The following CDH19 variants were observed in gnomAD, a reference collection of about 807,000 sequenced individuals.
CDH19 encodes cadherin 19.
Under a neutral mutation model 64.2 loss-of-function variants are expected in CDH19, and 67 were observed. The observed-to-expected ratio is 1.04, with a 90% CI of 0.86 to 1.28. The LOEUF (loss-of-function observed/expected upper bound fraction) is 1.28, where lower values mean the gene tolerates loss of function less well. CDH19 is among the 50% of genes most tolerant of loss of function. CDH19 has a pLI of 0.00. For missense variants in CDH19, 1,030 were observed against 929.0 expected, an observed-to-expected ratio of 1.11 and a Z score of -1.41; for synonymous variants, 346 against 319.3, an observed-to-expected ratio of 1.08 and a Z score of -0.89.
chr18:66,544,238 C>G lies in CDH19; in HGVS notation c.961-14G>C. On this transcript the variant is annotated splice_polypyrimidine_tract_variant and intron_variant, in intron 6 of 11. Transcript: ENST00000262150. ...AAAATCCACTTTCTGCAAAGAAACA[C>G]AGTATACACAAAAGAAATGGCTTTA... The G allele has an allele frequency of 6.2e-7, 1 of 1,601,142 alleles. No individual in the cohort carries two copies. Among genetic ancestry groups the G allele is most frequent in the Non-Finnish European group, 8.5e-7 (1 of 1,174,324 alleles).
At chr18:66,602,558 T>C (rs62096327) in intron 1 of CDH19, among the ~76,000 whole-genome samples, 130 of 152,052 alleles carry the variant, frequency 8.5e-4, no homozygotes, top group Non-Finnish European at 1.5e-3. Context: ...CTTTTCGATA[T>C]ATGCAGATGT....
At chr18:66,585,363 G>T (rs1259034105) in intron 1 of CDH19, among the ~76,000 whole-genome samples, 2 of 152,062 alleles carry the variant, frequency 1.3e-5, no homozygotes, top group Non-Finnish European at 2.9e-5. Context: ...TCTAAAGACA[G>T]TTTGCTGGAG....
At chr18:66,573,641 A>T (rs530704699) in intron 1 of CDH19, among the ~76,000 whole-genome samples, 1 of 151,610 alleles carries the variant, frequency 6.6e-6, no homozygotes, top group East Asian at 1.9e-4. Context: ...TTTTTTTTAT[A>T]AGTTTGGCAA....
At chr18:66,603,377 A>G (rs1989084432) in intron 1 of CDH19, among the ~76,000 whole-genome samples, 1 of 151,568 alleles carries the variant, frequency 6.6e-6, no homozygotes. Flanking sequence ...TAAATGTTAT[A>G]ATACATATAG....
intron 5 of CDH19, among the ~76,000 whole-genome samples, chr18:66,549,787 G>A (rs191989623): frequency 2.0e-5 from 3 of 152,210 alleles, no homozygotes; most frequent in Non-Finnish European, 2.9e-5. Context: ...GCATTTGTGT[G>A]TGCGCACACA....
chr18:66,532,292 A>T (rs1986478815), intron 8 of CDH19: 1 of 152,152 alleles, frequency 6.6e-6, no homozygotes, highest in African/African-American at 2.4e-5. Flanking sequence ...AAAAAAAGAA[A>T]GCTATAGGAA....
chr18:66,550,482 T>C (rs367624554), intron 5 of CDH19, among the ~76,000 whole-genome samples: 1 of 152,146 alleles, frequency 6.6e-6, no homozygotes. Flanking sequence ...AGTTTGCAGA[T>C]GGAATTCAGG....
Position 66,547,871 on chromosome 18 carries a change from T to G in CDH19, c.776-2968A>C, listed in dbSNP as rs111524293. Among the ~76,000 whole-genome samples, 646 of 142,292 alleles carry G rather than the reference T, an allele frequency of 4.5e-3. 3 individuals carry two copies. The highest frequency in any genetic ancestry group is 7.1e-3 in the Non-Finnish European group (469 of 66,304). 93.3% of individuals were successfully genotyped at this position (142,292 alleles called of 152,430 possible). A position where few individuals can be genotyped will look rare whatever the true frequency, so the allele number is the denominator to read the frequency against. On this transcript the variant is annotated intron_variant, in intron 5 of 11. Coordinates refer to ENST00000262150, the MANE Select transcript of CDH19 (RefSeq NM_021153.4). Reference sequence around the variant, plus strand: ...TTTAGTAGAGACGGGGTTTCACCGTTTTAGCCGGGATGGTCTCGATCTCCT... The same window carrying G: ...TTTAGTAGAGACGGGGTTTCACCGTGTTAGCCGGGATGGTCTCGATCTCCT...
chr18:66,529,603 A>C (rs919478702), intron 9 of CDH19, among the ~76,000 whole-genome samples: 5 of 148,422 alleles, frequency 3.4e-5, no homozygotes, highest in African/African-American at 1.2e-4. Context: ...TTGATGTTTT[A>C]AAATAAGATG....
At chr18:66,570,863 AACACCTTATTTACTAAAAGCCAAT>A (rs1408013990) in intron 2 of CDH19, among the ~76,000 whole-genome samples, 2 of 151,544 alleles carry the variant, frequency 1.3e-5, no homozygotes, top group Non-Finnish European at 3.0e-5. Flanking sequence ...ACTTCCCTAT[AACACCTTATTTACTAAAAGCCAAT>A]AGCTGATTTT....
intron 9 of CDH19, among the ~76,000 whole-genome samples, chr18:66,523,138 T>G (rs1021839986): frequency 6.6e-6 from 1 of 152,144 alleles, no homozygotes; most frequent in Admixed American, 6.5e-5. Flanking sequence ...TTTTCTGCAA[T>G]TCCTCACTAA....
chr18:66,594,676 T>C (rs977906584), intron 1 of CDH19, among the ~76,000 whole-genome samples: 1 of 151,530 alleles, frequency 6.6e-6, no homozygotes, highest in Non-Finnish European at 1.5e-5. Context: ...TATGCAGCCA[T>C]AAAAAATTAT....
intron 11 of CDH19, 41 bp downstream of exon 11, chr18:66,508,954 T>A (rs936787184): frequency 1.5e-5 from 24 of 1,587,220 alleles, no homozygotes; most frequent in Non-Finnish European, 2.0e-5. Flanking sequence ...CCAAATATGA[T>A]CATAATGCAA....
chr18:66,571,860 G>T, intron 2 of CDH19, 150 bp downstream of exon 2: 1 of 545,762 alleles, frequency 1.8e-6, no homozygotes, highest in Non-Finnish European at 3.1e-6. Context: ...TTAGGTGCTT[G>T]CAAATCTGAA....
At chr18:66,508,721 G>A (rs1985321845) in intron 11 of CDH19, among the ~76,000 whole-genome samples, 1 of 147,530 alleles carries the variant, frequency 6.8e-6, no homozygotes, top group East Asian at 2.1e-4. Flanking sequence ...CATTGTATAT[G>A]TGTCAAGAAC....
intron 8 of CDH19, 75 bp from the exon 9 acceptor site, chr18:66,530,041 A>G (rs1376264548): frequency 1.5e-6 from 1 of 682,986 alleles, no homozygotes; most frequent in African/African-American, 1.9e-5. Context: ...TTAAAATTAC[A>G]TTAGAGGCTA....
chr18:66,509,533 A>C (rs2144340520), intron 10 of CDH19, among the ~76,000 whole-genome samples: 1 of 151,916 alleles, frequency 6.6e-6, no homozygotes, highest in East Asian at 1.9e-4. Flanking sequence ...ATTTAGTTAA[A>C]GTATTTATAT....
intron 1 of CDH19, among the ~76,000 whole-genome samples, chr18:66,595,091 G>A (rs1599044980): frequency 1.3e-5 from 2 of 151,128 alleles, no homozygotes; most frequent in African/African-American, 2.4e-5. Flanking sequence ...GCTCCTGAAC[G>A]ACCTTCAGGT....
At chr18:66,597,198 C>T (rs913980355) in intron 1 of CDH19, among the ~76,000 whole-genome samples, 1 of 108,862 alleles carries the variant, frequency 9.2e-6, no homozygotes, top group Non-Finnish European at 2.2e-5. Context: ...AACCACACTA[C>T]CTGACTTAAA....
Sources: allele counts gnomAD v4.1 joint callset (sites outside exome capture counted in the v4.1 genomes callset), GRCh38; gene constraint gnomAD v4.1.1; transcripts MANE v1.5; gene names NCBI Gene and HGNC (gene_info 2026-07-23, HGNC 2026-07-21).